SPATA7: variants seen among roughly 807,000 people sequenced by gnomAD.
The protein encoded by SPATA7 is spermatogenesis-associated protein 7.
Under a neutral mutation model 51.8 loss-of-function variants are expected in SPATA7, and 43 were observed. The observed-to-expected ratio is 0.83, with a 90% CI of 0.65 to 1.07. The LOEUF is 1.07. SPATA7 is among the 50% of genes least tolerant of loss of function. The pLI is 0.00. For missense variants in SPATA7, 683 were observed against 701.3 expected (o/e 0.97, Z 0.30); for synonymous variants, 230 against 252.8 (o/e 0.91, Z 0.86).
intron 9 of SPATA7, among the ~76,000 whole-genome samples, chr14:88,431,953 G>A (rs1013356043): frequency 4.6e-5 from 7 of 152,046 alleles, no homozygotes; most frequent in African/African-American, 1.4e-4. Context: ...GAATTTTTTT[G>A]AGAAATAATA....
chr14:88,389,645 T>C (rs1180962921), intron 1 of SPATA7, among the ~76,000 whole-genome samples: 1 of 152,200 alleles, frequency 6.6e-6, no homozygotes, highest in Admixed American at 6.5e-5. Context: ...TTTGTTCTTA[T>C]CACCATCTTA....
At chr14:88,403,521 C>A (rs564123963) in intron 4 of SPATA7, among the ~76,000 whole-genome samples, 1 of 152,064 alleles carries the variant, frequency 6.6e-6, no homozygotes, top group Admixed American at 6.6e-5. Flanking sequence ...CATACACAGA[C>A]ACATGCAAAA....
chr14:88,458,455 G>A (rs555778069), downstream of SPATA7, among the ~76,000 whole-genome samples: 978 of 152,318 alleles, frequency 6.4e-3, 7 homozygotes, highest in African/African-American at 0.022. Context: ...AGTCTTGGGA[G>A]AGTGTATGTG....
At chr14:88,423,986 G>A (rs922900534) in intron 5 of SPATA7, among the ~76,000 whole-genome samples, 1 of 152,166 alleles carries the variant, frequency 6.6e-6, no homozygotes, top group Non-Finnish European at 1.5e-5. Context: ...AAAGTATGAT[G>A]AGTATATAAA....
At chr14:88,455,935 C>G (rs1234421809), downstream of SPATA7, among the ~76,000 whole-genome samples, 3 of 145,996 alleles carry the variant, frequency 2.1e-5, no homozygotes, top group Non-Finnish European at 4.5e-5. Context: ...TCCATGTGTT[C>G]TCATTGTTCA....
chr14:88,399,997 T>TACAGAC (rs2076013267), intron 4 of SPATA7, among the ~76,000 whole-genome samples: 1 of 152,190 alleles, frequency 6.6e-6, no homozygotes, highest in Admixed American at 6.5e-5. Flanking sequence ...AACAGATATA[T>TACAGAC]ACAGACCTTT....
chr14:88,451,960 G>A (rs907661052), intron 3 of SPATA7, among the ~76,000 whole-genome samples: 1 of 152,060 alleles, frequency 6.6e-6, no homozygotes, highest in Non-Finnish European at 1.5e-5. Flanking sequence ...TCCACTGTTG[G>A]TGAGCTAGTG....
At chr14:88,409,990 G>A (rs2076296872) in intron 4 of SPATA7, among the ~76,000 whole-genome samples, 1 of 152,182 alleles carries the variant, frequency 6.6e-6, no homozygotes, top group East Asian at 1.9e-4. Flanking sequence ...TGCAATTGCT[G>A]AGGAGTGTTT....
At chr14:88,396,229 C>CT (rs2075875568) in intron 4 of SPATA7, 26 bp downstream of exon 4, 9 of 1,564,784 alleles carry the variant, frequency 5.8e-6, no homozygotes, top group African/African-American at 2.7e-5. Context: ...ACATTATTAC[C>CT]TTTTTAAAAA....
At chr14:88,444,853 T>C (rs987402048) in intron 3 of SPATA7, among the ~76,000 whole-genome samples, 11 of 152,232 alleles carry the variant, frequency 7.2e-5, no homozygotes, top group African/African-American at 2.4e-4. Flanking sequence ...TATCTCTGTT[T>C]TGGTACCAGT....
chr14:88,438,330 T>C lies in SPATA7; in HGVS notation c.1708T>C (p.Ser570Pro). 1 of 1,614,032 alleles carries C rather than the reference T, an allele frequency of 6.2e-7. No individual in the cohort carries two copies. Among genetic ancestry groups the C allele is most frequent in the Non-Finnish European group, 8.5e-7 (1 of 1,179,956 alleles). ...NTSPSQSVQF[S>P]SVKGDNNHDM... ...ATCACCCTCCCAATCTGTTCAGTTCTCCAGTGTCAAAGGCGACAATAATCA... is the reference window on the plus strand; with the variant it reads ...ATCACCCTCCCAATCTGTTCAGTTCCCCAGTGTCAAAGGCGACAATAATCA... The change falls in exon 12 of 12, where the codon TCC becomes CCC. Residue 570 changes from serine to proline, a missense_variant. Transcript: ENST00000393545.
intron 5 of SPATA7, among the ~76,000 whole-genome samples, chr14:88,422,270 G>T (rs376597880): frequency 6.6e-6 from 1 of 152,080 alleles, no homozygotes; most frequent in Admixed American, 6.6e-5. Flanking sequence ...ATCAGGGGAA[G>T]CAGTGAATAT....
intron 3 of SPATA7, among the ~76,000 whole-genome samples, chr14:88,452,070 G>T (rs2077255026): frequency 6.6e-6 from 1 of 152,166 alleles, no homozygotes; most frequent in Non-Finnish European, 1.5e-5. Flanking sequence ...GAAGATCTGG[G>T]ACTCAAGGGC....
At chr14:88,395,988 T>G (rs2075868870) in intron 3 of SPATA7, among the ~76,000 whole-genome samples, 168 bp from the exon 4 acceptor site, 1 of 152,206 alleles carries the variant, frequency 6.6e-6, no homozygotes, top group Non-Finnish European at 1.5e-5. Flanking sequence ...CAGTATTGAA[T>G]GAGTTATTAA....
chr14:88,420,707 T>G (rs2076617122), intron 5 of SPATA7, among the ~76,000 whole-genome samples: 1 of 152,154 alleles, frequency 6.6e-6, no homozygotes, highest in Non-Finnish European at 1.5e-5. Flanking sequence ...GCCCACTCAC[T>G]CTCCTAGGTT....
intron 2 of SPATA7, 43 bp downstream of exon 2, chr14:88,391,498 C>A: frequency 6.5e-7 from 1 of 1,535,108 alleles, no homozygotes; most frequent in Non-Finnish European, 9.0e-7. Flanking sequence ...AGAAGATTGT[C>A]TGAGTGTTTC....
intron 5 of SPATA7, among the ~76,000 whole-genome samples, chr14:88,423,093 C>T (rs911388137): frequency 2.6e-5 from 4 of 152,130 alleles, no homozygotes; most frequent in Non-Finnish European, 5.9e-5. Context: ...TCAGAACCCT[C>T]CTAAGCCCTT....
At chr14:88,447,062 G>C (rs1482372823) in intron 3 of SPATA7, among the ~76,000 whole-genome samples, 4 of 151,860 alleles carry the variant, frequency 2.6e-5, no homozygotes, top group Non-Finnish European at 5.9e-5. Context: ...TCTCGTTGAT[G>C]TGTCTAATGT....
At chr14:88,413,075 A>G (rs2076384993) in intron 4 of SPATA7, among the ~76,000 whole-genome samples, 1 of 152,066 alleles carries the variant, frequency 6.6e-6, no homozygotes, top group East Asian at 1.9e-4. Flanking sequence ...AGTATTTTCA[A>G]TTTCTGTGAA....
Sources: allele counts gnomAD v4.1 joint callset (sites outside exome capture counted in the v4.1 genomes callset), GRCh38; gene constraint gnomAD v4.1.1; transcripts MANE v1.5; gene names NCBI Gene and HGNC (gene_info 2026-07-23, HGNC 2026-07-21).